The following NELL2 variants were observed in gnomAD, a reference collection of about 807,000 sequenced individuals.
NELL2 encodes neural EGFL like 2, also known as protein kinase C-binding protein NELL2.
In NELL2, 41 loss-of-function variants were observed where a neutral mutation model predicts 109.6. The observed-to-expected ratio is 0.37, with a 90% confidence interval of 0.29 to 0.49. The LOEUF (loss-of-function observed/expected upper bound fraction) is 0.49. Ranked by LOEUF, NELL2 falls within the 20% of genes least tolerant of loss-of-function variation. The probability of loss-of-function intolerance (pLI) is 0.98; values close to 1 mark genes in which losing one functional copy is unlikely to be tolerated. For synonymous variants in NELL2, 355 were observed against 344.7 expected, an observed-to-expected ratio of 1.03 and a Z score of -0.33; for missense variants, 900 against 1,008.3, an observed-to-expected ratio of 0.89 and a Z score of 1.45.
intron 9 of NELL2, among the ~76,000 whole-genome samples, chr12:44,765,617 C>T (rs1941297048): frequency 6.6e-6 from 1 of 151,874 alleles, no homozygotes; most frequent in African/African-American, 2.4e-5. Context: ...AGTGGGATTG[C>T]AGCAGATATT....
chr12:44,681,011 CT>C (rs959910164), intron 12 of NELL2, among the ~76,000 whole-genome samples: 76 of 149,740 alleles, frequency 5.1e-4, no homozygotes, highest in African/African-American at 7.3e-4. Flanking sequence ...TTGTGCAATT[CT>C]TTTTTTTTAA....
intron 15 of NELL2, among the ~76,000 whole-genome samples, chr12:44,573,966 C>G (rs1360457470): frequency 6.6e-6 from 1 of 152,160 alleles, no homozygotes; most frequent in East Asian, 1.9e-4. Flanking sequence ...TTAGGTGTTA[C>G]CCACTAAGAG....
At chr12:44,575,505 A>T (rs1477278991) in intron 15 of NELL2, among the ~76,000 whole-genome samples, 1 of 152,218 alleles carries the variant, frequency 6.6e-6, no homozygotes, top group Non-Finnish European at 1.5e-5. Context: ...ATTTATAATA[A>T]AATATTATAA....
chr12:44,661,060 A>T (rs1050162510), intron 13 of NELL2, among the ~76,000 whole-genome samples: 5 of 152,200 alleles, frequency 3.3e-5, no homozygotes, highest in African/African-American at 1.2e-4. Context: ...TGGCATGTGC[A>T]TTAAGAGACA....
intron 13 of NELL2, among the ~76,000 whole-genome samples, chr12:44,658,141 G>A (rs1947582251): frequency 6.6e-6 from 1 of 152,168 alleles, no homozygotes; most frequent in African/African-American, 2.4e-5. Context: ...TCCACCATCT[G>A]TTGTTTCCTG....
At chr12:44,604,152 G>A (rs1488607110) in intron 15 of NELL2, among the ~76,000 whole-genome samples, 2 of 151,974 alleles carry the variant, frequency 1.3e-5, no homozygotes, top group South Asian at 2.1e-4. Context: ...TTCCTGGGAC[G>A]AAGCATGGCA....
chr12:44,680,093 A>G (rs1948447165), intron 12 of NELL2, among the ~76,000 whole-genome samples: 1 of 152,194 alleles, frequency 6.6e-6, no homozygotes, highest in African/African-American at 2.4e-5. Flanking sequence ...AAACTAATTT[A>G]GTAAATATAT....
chr12:44,665,676 T>C, intron 12 of NELL2, 67 bp from the exon 13 acceptor site: 1 of 1,476,544 alleles, frequency 6.8e-7, no homozygotes, highest in East Asian at 2.3e-5. Context: ...TATAATTTTC[T>C]TTGGTAGGGA....
intron 15 of NELL2, among the ~76,000 whole-genome samples, chr12:44,591,660 C>T (rs1470832665): frequency 1.3e-5 from 2 of 152,198 alleles, no homozygotes; most frequent in East Asian, 3.9e-4. Flanking sequence ...TACAAAATTA[C>T]AGCTAGATAG....
intron 15 of NELL2, among the ~76,000 whole-genome samples, chr12:44,566,309 A>G (rs1327436061): frequency 6.6e-6 from 1 of 152,170 alleles, no homozygotes; most frequent in Non-Finnish European, 1.5e-5. Flanking sequence ...TTTGCCCTTA[A>G]GAAAATTAAA....
chr12:44,765,179 T>C (rs1941279710), intron 9 of NELL2, among the ~76,000 whole-genome samples: 1 of 152,234 alleles, frequency 6.6e-6, no homozygotes, highest in South Asian at 2.1e-4. Context: ...ATTGAGGTCA[T>C]CTTCCAATGG....
intron 15 of NELL2, among the ~76,000 whole-genome samples, chr12:44,591,134 G>T (rs1360208093): frequency 1.3e-5 from 2 of 152,084 alleles, no homozygotes; most frequent in Non-Finnish European, 2.9e-5. Context: ...AACAAATGCT[G>T]GCAAGGATGT....
At chr12:44,662,389 C>G (rs1243082994) in intron 13 of NELL2, among the ~76,000 whole-genome samples, 1 of 152,074 alleles carries the variant, frequency 6.6e-6, no homozygotes, top group Non-Finnish European at 1.5e-5. Flanking sequence ...GCAAATTAGA[C>G]AAACAGTGAA....
At chr12:44,656,311 G>GT (rs78608585) in intron 13 of NELL2, among the ~76,000 whole-genome samples, 372 of 152,056 alleles carry the variant, frequency 2.4e-3, no homozygotes, top group Non-Finnish European at 4.7e-3. Context: ...CAGAGTAACC[G>GT]TACATCAAGG....
chr12:44,696,997 A>G (rs1259123934), intron 12 of NELL2, among the ~76,000 whole-genome samples: 1 of 152,232 alleles, frequency 6.6e-6, no homozygotes, highest in African/African-American at 2.4e-5. Context: ...CGCTTAACAT[A>G]GGTAGGCTCT....
chr12:44,687,326 A>G (rs1449379519), intron 12 of NELL2, among the ~76,000 whole-genome samples: 1 of 152,082 alleles, frequency 6.6e-6, no homozygotes, highest in Non-Finnish European at 1.5e-5. Context: ...AGTGAGATGA[A>G]CCCGGTACCT....
rs60721930 is a variant in NELL2 at position 44,518,245 on chromosome 12, CT to C, written c.2400+1759del. Among the ~76,000 whole-genome samples the C allele has an allele frequency of 4.3e-3, 617 of 143,126 alleles. 2 individuals are homozygous for C. The highest frequency in any genetic ancestry group is 4.8e-3 in the Non-Finnish European group (311 of 64,950). The allele number at this position is 143,126 out of a possible 152,430, so 93.9% of individuals were successfully genotyped here. A position where few individuals can be genotyped will look rare whatever the true frequency, so the allele number is the denominator to read the frequency against. ...AGTGAATGACAAACTCATTCAAATA[CT>C]TTTTTTTTTTTTTTCTGAGATGGAG... On this transcript the variant is annotated intron_variant, in intron 19 of 19. Coordinates refer to ENST00000429094, the MANE Select transcript of NELL2 (RefSeq NM_001145108.2).
intron 13 of NELL2, among the ~76,000 whole-genome samples, chr12:44,655,619 C>T (rs117534315): frequency 6.6e-6 from 1 of 152,130 alleles, no homozygotes; most frequent in Admixed American, 6.6e-5. Context: ...CTAAATGTGG[C>T]CTGAAGTTTT....
chr12:44,695,290 CA>C (rs34087124), intron 12 of NELL2, among the ~76,000 whole-genome samples: 8,220 of 94,948 alleles, frequency 0.087, 609 homozygotes, highest in African/African-American at 0.25. Context: ...GACTCCGTCT[CA>C]AAAAAAAAAA....
Sources: gnomAD v4.1 joint callset for allele counts (sites outside exome capture counted in the v4.1 genomes callset) on GRCh38, gnomAD v4.1.1 for gene constraint, MANE v1.5 for transcripts, NCBI Gene and HGNC (gene_info 2026-07-23, HGNC 2026-07-21) for gene names.